The following PALLD variants were observed in gnomAD, a reference collection of about 807,000 sequenced individuals.
PALLD encodes palladin.
In PALLD, 61 loss-of-function variants were observed where a neutral mutation model predicts 123.5. That is an observed-to-expected ratio of 0.49 (90% CI 0.40 to 0.61). The LOEUF is 0.61. PALLD is among the 20% of genes least tolerant of loss of function. The probability of loss-of-function intolerance (pLI) is 0.00; values close to 1 mark genes in which losing one functional copy is unlikely to be tolerated. For synonymous variants in PALLD, 465 were observed against 496.4 expected (o/e 0.94, Z 0.84); for missense variants, 1,273 against 1,377.0 (o/e 0.92, Z 1.20).
chr4:168,880,021 G>T (rs1216306250), intron 10 of PALLD, among the ~76,000 whole-genome samples: 1 of 152,194 alleles, frequency 6.6e-6, no homozygotes, highest in Non-Finnish European at 1.5e-5. Context: ...CCAGGAAGAG[G>T]AGTACTGTGT....
intron 8 of PALLD, among the ~76,000 whole-genome samples, chr4:168,696,616 A>C (rs771433323): frequency 2.6e-5 from 4 of 152,040 alleles, no homozygotes; most frequent in Non-Finnish European, 5.9e-5. Context: ...TAAAACAAAA[A>C]CAAACAAACA....
chr4:168,902,205 A>G, intron 14 of PALLD, among the ~76,000 whole-genome samples: 1 of 152,244 alleles, frequency 6.6e-6, no homozygotes. Flanking sequence ...ATACTGATTT[A>G]TATTAAGGAA....
intron 1 of PALLD, among the ~76,000 whole-genome samples, chr4:168,501,361 C>T (rs1761380524): frequency 1.3e-5 from 2 of 152,028 alleles, no homozygotes; most frequent in African/African-American, 4.8e-5. Context: ...TTGCAGTGAG[C>T]TATGATCACA....
At chr4:168,581,109 G>A (rs1770223975) in intron 2 of PALLD, among the ~76,000 whole-genome samples, 1 of 151,648 alleles carries the variant, frequency 6.6e-6, no homozygotes, top group African/African-American at 2.4e-5. Context: ...ACCTGAACAT[G>A]TACCCCTGCA....
At chr4:168,531,405 A>T (rs566254367) in intron 2 of PALLD, among the ~76,000 whole-genome samples, 22 of 152,216 alleles carry the variant, frequency 1.4e-4, no homozygotes, top group Non-Finnish European at 2.9e-4. Flanking sequence ...CCAGGTAAAG[A>T]TGGAATTCAT....
At chr4:168,882,409 G>A (rs1234300425) in intron 10 of PALLD, among the ~76,000 whole-genome samples, 1 of 152,162 alleles carries the variant, frequency 6.6e-6, no homozygotes, top group Non-Finnish European at 1.5e-5. Flanking sequence ...CAGCAAATCA[G>A]AATCCCCGAG....
chr4:168,618,808 T>C (rs1774471871), intron 2 of PALLD, among the ~76,000 whole-genome samples: 1 of 152,172 alleles, frequency 6.6e-6, no homozygotes, highest in Non-Finnish European at 1.5e-5. Context: ...AAATATGTAT[T>C]TACTTATTCA....
intron 10 of PALLD, among the ~76,000 whole-genome samples, chr4:168,762,741 C>T (rs1398197598): frequency 6.6e-6 from 1 of 152,194 alleles, no homozygotes; most frequent in Non-Finnish European, 1.5e-5. Flanking sequence ...TTTATTGCAG[C>T]ACTGTTCACA....
At chr4:168,878,427 C>T (rs1322729408) in intron 10 of PALLD, 3 of 1,434,450 alleles carry the variant, frequency 2.1e-6, no homozygotes, top group Admixed American at 2.6e-5. Context: ...CACTTCCCTG[C>T]CCCTCCGCCT....
chr4:168,902,604 C>T (rs542312751), intron 14 of PALLD, among the ~76,000 whole-genome samples: 25 of 152,138 alleles, frequency 1.6e-4, no homozygotes, highest in East Asian at 3.9e-4. Context: ...ACTGCACCAC[C>T]GCACTCTGCA....
In PALLD at chr4:168,668,316, G is replaced by A. The variant is rs766866674; in HGVS notation, c.1035G>A (p.Leu345=). 1 of 1,612,834 alleles carries A rather than the reference G, an allele frequency of 6.2e-7. No individual in the cohort carries two copies. The highest frequency in any genetic ancestry group is 8.5e-7 in the Non-Finnish European group (1 of 1,179,202). The change falls in exon 3 of 22, where the codon TTG becomes TTA. Residue 345 remains leucine (L), a synonymous_variant. Coordinates refer to ENST00000505667, the MANE Select transcript of PALLD (RefSeq NM_001166108.2). ...ACGACACAGGTCGCTACACCTGTTTGGCTACGAATCCCAGCGGCTCAGACA... is the reference window on the plus strand; with the variant it reads ...ACGACACAGGTCGCTACACCTGTTTAGCTACGAATCCCAGCGGCTCAGACA... ...FEDDTGRYTC[L]ATNPSGSDTT... is the part of the protein sequence containing the mutation.
chr4:168,583,056 C>A (rs1459047916), intron 2 of PALLD, among the ~76,000 whole-genome samples: 1 of 152,134 alleles, frequency 6.6e-6, no homozygotes, highest in African/African-American at 2.4e-5. Flanking sequence ...TTTTCCCTCC[C>A]TGATAGGACT....
intron 1 of PALLD, among the ~76,000 whole-genome samples, chr4:168,503,646 C>CAAAAA (rs35693126): frequency 9.0e-6 from 1 of 111,716 alleles, no homozygotes; most frequent in Non-Finnish European, 2.0e-5. Context: ...GACTCCATCT[C>CAAAAA]AAAAAAAAAA....
At chr4:168,675,467 G>A (rs563778513) in intron 3 of PALLD, among the ~76,000 whole-genome samples, 6 of 152,328 alleles carry the variant, frequency 3.9e-5, no homozygotes, top group African/African-American at 1.2e-4. Context: ...GACCACTGCC[G>A]TGCCTCTCTA....
chr4:168,628,649 C>T (rs1261867978), intron 2 of PALLD, among the ~76,000 whole-genome samples: 1 of 152,154 alleles, frequency 6.6e-6, no homozygotes, highest in African/African-American at 2.4e-5. Context: ...AGAAAGCTGC[C>T]CCTGGCCGCT....
rs149619290 is a variant in PALLD, at chr4:168,903,705, T to C, written c.2473-52T>C. On this transcript the variant is annotated intron_variant, in intron 14 of 21. Transcript: ENST00000505667. Reference sequence around the variant, plus strand: ...CTGTTACTATTTTCAGTTCTCCAAATAGAGTAGGAATACACAAACTCCTAA... The same window carrying C: ...CTGTTACTATTTTCAGTTCTCCAAACAGAGTAGGAATACACAAACTCCTAA... 4.0e-4 allele frequency: 572 copies of C among 1,437,948 alleles called. No individual in the cohort carries two copies. In the African/African-American group the frequency reaches 6.3e-3, roughly 16 times the overall value. 89.1% of individuals were successfully genotyped at this position (1,437,948 alleles called of 1,614,324 possible).
At chr4:168,908,718 G>A (rs1169217213) in intron 15 of PALLD, among the ~76,000 whole-genome samples, 1 of 152,124 alleles carries the variant, frequency 6.6e-6, no homozygotes, top group African/African-American at 2.4e-5. Flanking sequence ...CAGATGAAAT[G>A]AAATAACCAA....
At chr4:168,856,113 G>A (rs1411527955) in intron 10 of PALLD, among the ~76,000 whole-genome samples, 3 of 152,168 alleles carry the variant, frequency 2.0e-5, no homozygotes, top group African/African-American at 7.2e-5. Context: ...TTCTGTTCCT[G>A]CATTAATTTG....
intron 2 of PALLD, among the ~76,000 whole-genome samples, chr4:168,635,791 C>T (rs923113390): frequency 6.6e-6 from 1 of 152,182 alleles, no homozygotes; most frequent in African/African-American, 2.4e-5. Context: ...GCCTGGATTC[C>T]CGCAGTTTGA....
Sources: allele counts gnomAD v4.1 joint callset (sites outside exome capture counted in the v4.1 genomes callset), GRCh38; gene constraint gnomAD v4.1.1; transcripts MANE v1.5; gene names NCBI Gene and HGNC (gene_info 2026-07-23, HGNC 2026-07-21).